Variants in BSDC1 observed in about 807,000 individuals in gnomAD.
The protein encoded by BSDC1 is BSD domain containing 1, also known as BSD domain-containing protein 1.
A neutral mutation model predicts 56.0 loss-of-function variants in BSDC1; 29 were observed. That is an observed-to-expected ratio of 0.52 (90% CI 0.39 to 0.71). BSDC1 has a LOEUF of 0.71. Ranked by LOEUF, BSDC1 falls within the 30% of genes least tolerant of loss-of-function variation. The pLI is 0.00. For synonymous variants in BSDC1, 210 were observed against 215.3 expected, an observed-to-expected ratio of 0.98 and a Z score of 0.21; for missense variants, 477 against 548.5, an observed-to-expected ratio of 0.87 and a Z score of 1.30.
Position 32,366,486 on chromosome 1 carries a change from C to T in BSDC1, c.*136G>A. ...GAGGCCCAAGAGGGCCAGCAGGGAG[C>T]CACCAGAATCTGTGCCCAGAGCTCT... On this transcript the variant is annotated 3_prime_UTR_variant, in exon 11 of 11. Coordinates refer to ENST00000455895, the MANE Select transcript of BSDC1 (RefSeq NM_018045.8). The T allele has an allele frequency of 1.1e-6, 1 of 877,746 alleles. No homozygotes were observed. Among genetic ancestry groups the T allele is most frequent in the Non-Finnish European group, 1.9e-6 (1 of 532,480 alleles). 54.4% of individuals were successfully genotyped at this position (877,746 alleles called of 1,614,324 possible). A position where few individuals can be genotyped will look rare whatever the true frequency, so the allele number is the denominator to read the frequency against.
intron 9 of BSDC1, among the ~76,000 whole-genome samples, chr1:32,375,144 C>T (rs867459311): frequency 6.6e-6 from 1 of 151,228 alleles, no homozygotes; most frequent in Non-Finnish European, 1.5e-5. Flanking sequence ...AGTGAGACTC[C>T]GCCTCAAAAA....
At chr1:32,389,298 G>T (rs1213172535) in intron 2 of BSDC1, among the ~76,000 whole-genome samples, 1 of 152,184 alleles carries the variant, frequency 6.6e-6, no homozygotes, top group Non-Finnish European at 1.5e-5. Flanking sequence ...ACTGTGAGTT[G>T]TGTGAACACA....
chr1:32,377,961 G>A lies in BSDC1; in HGVS notation c.676+9C>T, dbSNP rs946986015. On this transcript the variant is annotated intron_variant, in intron 8 of 10. Coordinates refer to ENST00000455895, the MANE Select transcript of BSDC1 (RefSeq NM_018045.8). ...TGACACTTGCCCCTCACCTCTCAAC[G>A]CCTCTTACCTTCCTCCTCCTCCCAG... 4.4e-6 allele frequency: 7 copies of A among 1,608,892 alleles called. No homozygotes were observed. The highest frequency in any genetic ancestry group is 4.0e-5 in the African/African-American group (3 of 74,820).
At chr1:32,367,276 C>G (rs1641888138) in intron 10 of BSDC1, 1 of 985,318 alleles carries the variant, frequency 1.0e-6, no homozygotes, top group South Asian at 4.7e-5. Context: ...CCTGGTATAG[C>G]AGGTTCTAGA....
chr1:32,394,043 G>A (rs776673812), intron 2 of BSDC1, 37 bp downstream of exon 2: 5 of 1,593,046 alleles, frequency 3.1e-6, no homozygotes, highest in African/African-American at 1.3e-5. Context: ...GCGGCGCAGG[G>A]CCCTGCTGAG....
Position 32,386,848 on chromosome 1 carries a change from G to C in BSDC1, c.120C>G (p.Thr40=). The change falls in exon 3 of 11, where the codon ACC becomes ACG. Residue 40 remains threonine, a synonymous_variant. Transcript: ENST00000455895. ...AGGCCGTGTCATGCTGCACCACCTG[G>C]GTAAACTCCGTCAGGTCCCGCTTCA... ...EFMKRDLTEF[T]QVVQHDTACT... is the part of the protein sequence containing the mutation. 1 of 1,612,334 alleles carries C rather than the reference G, an allele frequency of 6.2e-7. No individual in the cohort carries two copies. The highest frequency in any genetic ancestry group is 8.5e-7 in the Non-Finnish European group (1 of 1,180,030).
intron 9 of BSDC1, among the ~76,000 whole-genome samples, chr1:32,373,234 CT>C (rs1642159339): frequency 6.6e-6 from 1 of 152,206 alleles, no homozygotes. Context: ...ACGGTTGTTT[CT>C]TGTGAGTCTT....
At chr1:32,385,027 A>G (rs964435079) in intron 3 of BSDC1, among the ~76,000 whole-genome samples, 5 of 152,224 alleles carry the variant, frequency 3.3e-5, no homozygotes, top group African/African-American at 1.2e-4. Context: ...TGTCTAAAAA[A>G]ATTCCAAAAC....
At position 32,381,241 on chromosome 1, in the gene BSDC1, G is replaced by A; in HGVS notation, c.385C>T (p.Pro129Ser). The A allele has an allele frequency of 6.2e-7, 1 of 1,613,790 alleles. No homozygotes were observed. The highest frequency in any genetic ancestry group is 8.5e-7 in the Non-Finnish European group (1 of 1,179,816). The change falls in exon 5 of 11, where the codon CCA (proline) becomes TCA (serine). Residue 129 changes from proline to serine, a missense_variant. Pro to Ser is a moderately conservative substitution (Grantham distance 74). Coordinates refer to ENST00000455895, the MANE Select transcript of BSDC1 (RefSeq NM_018045.8). ...TCTGGTTCATTACAGTAGGTTGCTG[G>A]GTCCGACTGCAGGCTATAGAGGCGA... ...KARLYSLQSD[P>S]ATYCNEPDGP...
chr1:32,379,657 C>T (rs553564740), intron 5 of BSDC1, among the ~76,000 whole-genome samples: 12 of 152,312 alleles, frequency 7.9e-5, no homozygotes, highest in African/African-American at 2.9e-4. Flanking sequence ...GTGGCACAAC[C>T]GTGGCTCACT....
intron 10 of BSDC1, chr1:32,367,675 G>A (rs1294100525): frequency 1.0e-6 from 1 of 985,508 alleles, no homozygotes; most frequent in African/African-American, 1.7e-5. Flanking sequence ...ATCTAAATGA[G>A]CCACTTTTGA....
At chr1:32,386,187 C>A (rs998350087) in intron 3 of BSDC1, among the ~76,000 whole-genome samples, 3 of 151,996 alleles carry the variant, frequency 2.0e-5, no homozygotes, top group Non-Finnish European at 4.4e-5. Flanking sequence ...GGCGTGGTGG[C>A]GGGCGCCTGT....
chr1:32,394,238 G>A (rs910975767), intron 1 of BSDC1, 98 bp from the exon 2 acceptor site: 2 of 1,563,032 alleles, frequency 1.3e-6, no homozygotes, highest in African/African-American at 2.7e-5. Flanking sequence ...GCGGGCCGAG[G>A]CTTCGCAGAC....
chr1:32,367,180 G>A, intron 10 of BSDC1: 1 of 985,654 alleles, frequency 1.0e-6, no homozygotes, highest in Non-Finnish European at 1.2e-6. Context: ...TTCACTAGGG[G>A]CACCAACACC....
intron 9 of BSDC1, among the ~76,000 whole-genome samples, chr1:32,371,386 C>G (rs1442474229): frequency 6.7e-6 from 1 of 149,402 alleles, no homozygotes; most frequent in African/African-American, 2.5e-5. Flanking sequence ...TCTCGGCTCA[C>G]TGCAAGCTCT....
intron 3 of BSDC1, among the ~76,000 whole-genome samples, chr1:32,385,107 C>T (rs1642620032): frequency 6.6e-6 from 1 of 152,166 alleles, no homozygotes; most frequent in Non-Finnish European, 1.5e-5. Context: ...TAAGAAGCTG[C>T]AATCTGTTCC....
chr1:32,366,763 A>G lies in BSDC1; in HGVS notation c.1261-109T>C, dbSNP rs940373918. On this transcript the variant is annotated intron_variant, in intron 10 of 10. Transcript: ENST00000455895. The stretch of plus-strand genomic sequence containing the variant: ...AGAGCCACCTCCCATCCCCTACCCC[A>G]GGCCATACTCTGAGGTCCCACTGAG... The G allele has an allele frequency of 1.6e-5, 23 of 1,433,606 alleles. No homozygotes were observed. In the African/African-American group the frequency reaches 3.0e-4, roughly 19 times the overall value. The allele number at this position is 1,433,606 out of a possible 1,614,324, so 88.8% of individuals were successfully genotyped here.
chr1:32,388,985 C>T (rs1230240403), intron 2 of BSDC1, among the ~76,000 whole-genome samples: 7 of 134,798 alleles, frequency 5.2e-5, no homozygotes, highest in East Asian at 2.1e-4. Context: ...GATGGAGTTT[C>T]GCTCTGTTAC....
At chr1:32,367,175 T>A (rs1455684796) in intron 10 of BSDC1, 2 of 985,586 alleles carry the variant, frequency 2.0e-6, no homozygotes, top group Admixed American at 6.1e-5. Context: ...AGGTCTTCAC[T>A]AGGGGCACCA....
Sources: gnomAD v4.1 joint callset for allele counts (sites outside exome capture counted in the v4.1 genomes callset) on GRCh38, gnomAD v4.1.1 for gene constraint, MANE v1.5 for transcripts, NCBI Gene and HGNC (gene_info 2026-07-23, HGNC 2026-07-21) for gene names.